DCC: variants seen among roughly 807,000 people sequenced by gnomAD.
DCC encodes netrin receptor DCC.
A neutral mutation model predicts 172.5 loss-of-function variants in DCC; 58 were observed. That is an observed-to-expected ratio of 0.34 (90% CI 0.27 to 0.42). The LOEUF (loss-of-function observed/expected upper bound fraction) is 0.42, where lower values mean the gene tolerates loss of function less well. Ranked by LOEUF, DCC falls within the 10% of genes least tolerant of loss-of-function variation. The pLI, the probability that DCC is intolerant of heterozygous loss-of-function variation, is 1.00. For missense variants in DCC, 1,740 were observed against 1,791.0 expected, an observed-to-expected ratio of 0.97 and a Z score of 0.51; for synonymous variants, 709 against 644.5, an observed-to-expected ratio of 1.10 and a Z score of -1.52.
chr18:53,022,311 T>C (rs2041891900), intron 5 of DCC, among the ~76,000 whole-genome samples: 1 of 152,080 alleles, frequency 6.6e-6, no homozygotes, highest in Non-Finnish European at 1.5e-5. Context: ...ACATCTGCCA[T>C]GTATTATCTC....
intron 1 of DCC, among the ~76,000 whole-genome samples, chr18:52,644,772 AAAGGAAAG>A (rs869250553): frequency 0.045 from 3,273 of 72,936 alleles, 105 homozygotes; most frequent in Admixed American, 0.09. Context: ...GAGAAGGAAG[AAAGGAAAG>A]AAGGAAAGAA....
chr18:52,506,536 A>G (rs2031237070), intron 1 of DCC, among the ~76,000 whole-genome samples: 1 of 152,128 alleles, frequency 6.6e-6, no homozygotes, highest in Non-Finnish European at 1.5e-5. Flanking sequence ...CAGGACAAAT[A>G]AAGCAATATC....
intron 2 of DCC, among the ~76,000 whole-genome samples, chr18:52,837,726 C>A (rs2038731811): frequency 6.6e-6 from 1 of 152,200 alleles, no homozygotes; most frequent in Admixed American, 6.5e-5. Context: ...ACGTTACTTC[C>A]ACATTTTCAG....
chr18:53,478,868 G>A (rs1276324174), intron 25 of DCC, among the ~76,000 whole-genome samples: 4 of 152,204 alleles, frequency 2.6e-5, no homozygotes, highest in African/African-American at 7.2e-5. Context: ...GTCCTACCAG[G>A]AGGCCTGCTT....
Position 52,923,700 on chromosome 18 carries a change from C to T in DCC, c.698-7C>T, listed in dbSNP as rs369276067. ...ATATCATATGATACTGTGTTTTCCC[C>T]TCATAGATCCAGGACTGCATAGACA... On this transcript the variant is annotated splice_polypyrimidine_tract_variant and splice_region_variant and intron_variant, in intron 3 of 28. Transcript: ENST00000442544. 97 of 1,596,172 alleles carry T rather than the reference C, an allele frequency of 6.1e-5. No homozygotes were observed. Among genetic ancestry groups the T allele is most frequent in the African/African-American group, 2.0e-4 (15 of 74,468 alleles).
chr18:53,005,514 C>A (rs898815038), intron 5 of DCC, among the ~76,000 whole-genome samples: 11 of 152,118 alleles, frequency 7.2e-5, no homozygotes, highest in Non-Finnish European at 1.2e-4. Flanking sequence ...TGGGCAGATT[C>A]TTGAGGTTAG....
intron 2 of DCC, among the ~76,000 whole-genome samples, chr18:52,797,006 A>G (rs1393672267): frequency 7.2e-6 from 1 of 138,948 alleles, no homozygotes; most frequent in Non-Finnish European, 1.6e-5. Context: ...TTCTTCATTC[A>G]TTCCTTTTTT....
intron 27 of DCC, among the ~76,000 whole-genome samples, chr18:53,507,968 A>T (rs2046202990): frequency 7.1e-6 from 1 of 141,612 alleles, no homozygotes; most frequent in Non-Finnish European, 1.5e-5. Flanking sequence ...ATCTCTGCTC[A>T]CTGCAAGCTC....
chr18:52,551,123 C>T (rs548027557), intron 1 of DCC, among the ~76,000 whole-genome samples: 18 of 151,608 alleles, frequency 1.2e-4, no homozygotes, highest in Non-Finnish European at 2.4e-4. Flanking sequence ...TAAAATTATC[C>T]AACAAGCAGA....
intron 10 of DCC, among the ~76,000 whole-genome samples, chr18:53,205,682 C>A (rs1221877838): frequency 6.6e-6 from 1 of 152,144 alleles, no homozygotes; most frequent in African/African-American, 2.4e-5. Context: ...TCGTGGAAGG[C>A]ATTTGCAGTT....
chr18:52,857,589 ACAT>A (rs2039074619), intron 2 of DCC, among the ~76,000 whole-genome samples: 1 of 152,262 alleles, frequency 6.6e-6, no homozygotes, highest in African/African-American at 2.4e-5. Context: ...TTCGAATTTA[ACAT>A]CATATTTTTA....
chr18:53,487,135 G>A (rs1283629739), intron 26 of DCC, among the ~76,000 whole-genome samples, 177 bp downstream of exon 26: 1 of 152,150 alleles, frequency 6.6e-6, no homozygotes, highest in Non-Finnish European at 1.5e-5. Context: ...CATTTGTACT[G>A]ATTCCCTAGG....
intron 1 of DCC, among the ~76,000 whole-genome samples, chr18:52,456,740 G>A (rs1236244485): frequency 1.3e-5 from 2 of 152,114 alleles, no homozygotes; most frequent in African/African-American, 4.8e-5. Flanking sequence ...CCTGTGGATA[G>A]ACCCTAACTG....
chr18:53,254,425 G>A (rs2056478955), intron 12 of DCC, among the ~76,000 whole-genome samples: 1 of 151,956 alleles, frequency 6.6e-6, no homozygotes, highest in Non-Finnish European at 1.5e-5. Context: ...GTAGATCCCA[G>A]AGCTATCAGC....
At chr18:52,668,986 G>A (rs150386989) in intron 1 of DCC, among the ~76,000 whole-genome samples, 2,452 of 152,270 alleles carry the variant, frequency 0.016, 79 homozygotes, top group African/African-American at 0.056. Flanking sequence ...AGTAATTCAC[G>A]CAGAGCTGGC....
intron 2 of DCC, among the ~76,000 whole-genome samples, chr18:52,849,924 T>C (rs193076358): frequency 1.4e-3 from 218 of 152,268 alleles, no homozygotes; most frequent in African/African-American, 4.8e-3. Flanking sequence ...AAATAATGTC[T>C]TATAAGCCAC....
chr18:53,374,289 C>G (rs962309627), intron 15 of DCC, among the ~76,000 whole-genome samples: 5 of 152,126 alleles, frequency 3.3e-5, no homozygotes, highest in Non-Finnish European at 1.5e-5. Flanking sequence ...CAGAAGGTAC[C>G]ATGGGGCAAT....
At chr18:52,993,817 A>T (rs77688019) in intron 5 of DCC, among the ~76,000 whole-genome samples, 21 of 102,710 alleles carry the variant, frequency 2.0e-4, no homozygotes, top group East Asian at 1.3e-3. Flanking sequence ...ATTTTCTATG[A>T]TTTTTTTTTT....
chr18:52,432,824 C>A (rs76939443), intron 1 of DCC, among the ~76,000 whole-genome samples: 1 of 152,108 alleles, frequency 6.6e-6, no homozygotes, highest in African/African-American at 2.4e-5. Flanking sequence ...GCAGGAGTGC[C>A]GCCTGAGCTC....
Sources: allele counts gnomAD v4.1 joint callset (sites outside exome capture counted in the v4.1 genomes callset), GRCh38; gene constraint gnomAD v4.1.1; transcripts MANE v1.5; gene names NCBI Gene and HGNC (gene_info 2026-07-23, HGNC 2026-07-21).